Variants in ARIH1 observed in about 807,000 individuals in gnomAD.
ARIH1 encodes E3 ubiquitin-protein ligase ARIH1.
In ARIH1, 8 loss-of-function variants were observed where a neutral mutation model predicts 85.0. That is an observed-to-expected ratio of 0.09 (90% CI 0.06 to 0.17). ARIH1 has a LOEUF of 0.17. Among genes scored for constraint, ARIH1 ranks in the 10% least tolerant of loss-of-function variants. The pLI is 1.00. For missense variants in ARIH1, 311 were observed against 718.1 expected (o/e 0.43, Z 6.48); for synonymous variants, 238 against 253.6 (o/e 0.94, Z 0.59).
intron 1 of ARIH1, among the ~76,000 whole-genome samples, chr15:72,484,641 A>T (rs2063829885): frequency 6.6e-6 from 1 of 151,298 alleles, no homozygotes; most frequent in Admixed American, 6.6e-5. Context: ...ATATATATAT[A>T]TATATGTGTA....
intron 2 of ARIH1, among the ~76,000 whole-genome samples, chr15:72,529,611 G>T (rs1337647567): frequency 6.6e-6 from 1 of 152,178 alleles, no homozygotes; most frequent in Non-Finnish European, 1.5e-5. Context: ...GGTACGTAGA[G>T]ATAAGTTTTT....
chr15:72,542,596 G>T (rs2064112302), intron 2 of ARIH1, among the ~76,000 whole-genome samples: 2 of 152,104 alleles, frequency 1.3e-5, no homozygotes, highest in South Asian at 4.1e-4. Flanking sequence ...GTGCAAAAAT[G>T]AAAAATGTAG....
intron 11 of ARIH1, among the ~76,000 whole-genome samples, chr15:72,580,151 C>G (rs953165637): frequency 2.0e-5 from 3 of 152,062 alleles, no homozygotes; most frequent in Non-Finnish European, 2.9e-5. Context: ...GTGAGTTCAA[C>G]TTTTTTAGTT....
rs1004732987 is a variant in ARIH1, at chr15:72,474,441, C to T, written c.-199C>T. The T allele has an allele frequency of 7.4e-6, 5 of 675,292 alleles. No homozygotes were observed. Among genetic ancestry groups the T allele is most frequent in the Non-Finnish European group, 1.2e-5 (5 of 419,360 alleles). The allele number at this position is 675,292 out of a possible 1,614,324, so 41.8% of individuals were successfully genotyped here. ...CAGCAAGCGGCCCCCTCGCTCCCTCCCTCCCTCCTCCGCGCCCTCCCCGCC... is the reference window on the plus strand; with the variant it reads ...CAGCAAGCGGCCCCCTCGCTCCCTCTCTCCCTCCTCCGCGCCCTCCCCGCC... On this transcript the variant is annotated 5_prime_UTR_variant, in exon 1 of 14. Coordinates refer to ENST00000379887, the MANE Select transcript of ARIH1 (RefSeq NM_005744.5).
Position 72,544,837 on chromosome 15 carries a change from TGGA to T in ARIH1, c.463_465del (p.Glu155del), listed in dbSNP as rs771679181. On this transcript the variant is annotated inframe_deletion, in exon 3 of 14. Transcript: ENST00000379887. ...TAATGCAGGTACTTTGATGGAAACC[TGGA>T]GAAGCTCTTTGCTGAGTGTCATGTA... 6.2e-7 allele frequency: 1 copy of T among 1,612,976 alleles called. No individual in the cohort carries two copies.
intron 1 of ARIH1, among the ~76,000 whole-genome samples, chr15:72,513,591 T>A (rs369879196): frequency 6.6e-6 from 1 of 152,082 alleles, no homozygotes; most frequent in East Asian, 1.9e-4. Context: ...TTCTTTCCTG[T>A]AGTTCCAAGT....
intron 2 of ARIH1, 40 bp downstream of exon 2, chr15:72,518,174 A>C: frequency 6.6e-7 from 1 of 1,523,014 alleles, no homozygotes; most frequent in South Asian, 1.2e-5. Flanking sequence ...TAGAAGTAAC[A>C]CAGAAAGCCT....
intron 1 of ARIH1, among the ~76,000 whole-genome samples, chr15:72,508,695 C>CTT (rs767444028): frequency 2.2e-4 from 31 of 140,798 alleles, no homozygotes; most frequent in Admixed American, 5.7e-4. Flanking sequence ...TTCTTTCTTT[C>CTT]TTTTTTTTTT....
chr15:72,509,699 C>T (rs1228978155), intron 1 of ARIH1, among the ~76,000 whole-genome samples: 1 of 152,188 alleles, frequency 6.6e-6, no homozygotes, highest in East Asian at 1.9e-4. Context: ...AGGGATCCTA[C>T]TCACCTCAGT....
chr15:72,484,992 A>G (rs1423121568), intron 1 of ARIH1, among the ~76,000 whole-genome samples: 1 of 152,172 alleles, frequency 6.6e-6, no homozygotes, highest in African/African-American at 2.4e-5. Context: ...TAGTTCTTTA[A>G]GGAATCTCCA....
chr15:72,474,917 A>T lies in ARIH1; in HGVS notation c.278A>T (p.His93Leu). Residue 93 changes from histidine to leucine, a missense_variant, in exon 1 of 14, where the codon CAT (histidine) becomes CTT (leucine). Around this residue, in one of 3 missense-constraint regions of ARIH1, gnomAD observed 157 missense variants for 185.1 expected, o/e 0.85. Transcript: ENST00000379887. The part of the protein sequence containing the change: ...GGGGGGGGPG[H>L]EQEEDYRYEV... Reference sequence around the variant, plus strand: ...GGCGGTGGTGGTGGCGGGCCGGGGCATGAGCAGGAGGAGGATTACCGCTAC... The same window carrying T: ...GGCGGTGGTGGTGGCGGGCCGGGGCTTGAGCAGGAGGAGGATTACCGCTAC... The T allele has an allele frequency of 1.3e-6, 2 of 1,484,448 alleles. No homozygotes were observed. Among genetic ancestry groups the T allele is most frequent in the East Asian group, 2.9e-5 (1 of 33,978 alleles). 92.0% of individuals were successfully genotyped at this position (1,484,448 alleles called of 1,614,324 possible).
chr15:72,531,824 A>G (rs554940360), intron 2 of ARIH1, among the ~76,000 whole-genome samples: 2 of 152,338 alleles, frequency 1.3e-5, no homozygotes, highest in African/African-American at 4.8e-5. Context: ...TAATTAATAT[A>G]AATGGTTTTA....
intron 11 of ARIH1, among the ~76,000 whole-genome samples, chr15:72,575,620 A>AATTT (rs2064267567): frequency 6.7e-6 from 1 of 149,306 alleles, no homozygotes; most frequent in Non-Finnish European, 1.5e-5. Flanking sequence ...TTTCATGTTG[A>AATTT]ATTTTAGTGA....
intron 1 of ARIH1, among the ~76,000 whole-genome samples, chr15:72,476,934 AATTT>A (rs1424411583): frequency 3.9e-5 from 6 of 152,272 alleles, no homozygotes; most frequent in South Asian, 2.1e-4. Context: ...GATCTGAACT[AATTT>A]ATTTAATCAA....
At position 72,582,269 on chromosome 15, in the gene ARIH1, G is replaced by A; in HGVS notation, c.1589+82G>A. The A allele has an allele frequency of 6.5e-6, 6 of 925,230 alleles. No homozygotes were observed. The highest frequency in any genetic ancestry group is 8.4e-6 in the Non-Finnish European group (5 of 597,952). 57.3% of individuals were successfully genotyped at this position (925,230 alleles called of 1,614,324 possible). ...TAAAGTTCAGTGATAGTGAAACTGG[G>A]TTTAGCATATCCAGCAACTGAGCTT... On this transcript the variant is annotated intron_variant, in intron 13 of 13. Coordinates refer to ENST00000379887, the MANE Select transcript of ARIH1 (RefSeq NM_005744.5). The surrounding 1 kb of genome is among the most constrained non-coding windows in gnomAD (Gnocchi z 4.6).
At chr15:72,532,527 C>A (rs2064062129) in intron 2 of ARIH1, among the ~76,000 whole-genome samples, 1 of 152,068 alleles carries the variant, frequency 6.6e-6, no homozygotes, top group South Asian at 2.1e-4. Context: ...CAACCTTATT[C>A]TAAAGAACAG....
chr15:72,547,077 G>A (rs1338376993), intron 3 of ARIH1, among the ~76,000 whole-genome samples: 6 of 151,584 alleles, frequency 4.0e-5, no homozygotes, highest in African/African-American at 1.5e-4. Flanking sequence ...ACAGGCGTCT[G>A]CCATCACGCC....
At chr15:72,501,737 C>T (rs1180299866) in intron 1 of ARIH1, among the ~76,000 whole-genome samples, 1 of 152,198 alleles carries the variant, frequency 6.6e-6, no homozygotes, top group African/African-American at 2.4e-5. Context: ...TAACTTTAAT[C>T]ATCTCACAAT....
At chr15:72,562,513 GT>G (rs1208035820) in intron 6 of ARIH1, among the ~76,000 whole-genome samples, 2 of 149,050 alleles carry the variant, frequency 1.3e-5, no homozygotes, top group Admixed American at 6.7e-5. Context: ...GGTGCAGAGT[GT>G]TTTTTTTTCA....
Sources: allele counts gnomAD v4.1 joint callset (sites outside exome capture counted in the v4.1 genomes callset), GRCh38; gene constraint gnomAD v4.1.1; regional missense constraint gnomAD v4.1.1; non-coding constraint Gnocchi (gnomAD v3.1); transcripts MANE v1.5; gene names NCBI Gene and HGNC (gene_info 2026-07-23, HGNC 2026-07-21).